SPOCK1: variants seen among roughly 807,000 people sequenced by gnomAD.
SPOCK1 encodes testican-1.
In SPOCK1, 23 loss-of-function variants were observed where a neutral mutation model predicts 55.3. The ratio of observed to expected loss-of-function variants is 0.42; its 90% confidence interval spans 0.30 to 0.59. SPOCK1 has a LOEUF of 0.59. Among genes scored for constraint, SPOCK1 ranks in the 20% least tolerant of loss-of-function variants. The probability of loss-of-function intolerance (pLI) is 0.22; values close to 1 mark genes in which losing one functional copy is unlikely to be tolerated. For synonymous variants in SPOCK1, 226 were observed against 221.0 expected, an observed-to-expected ratio of 1.02 and a Z score of -0.20; for missense variants, 499 against 552.5, an observed-to-expected ratio of 0.90 and a Z score of 0.97.
chr5:137,165,067 CA>C (rs1754621845), intron 3 of SPOCK1, among the ~76,000 whole-genome samples: 1 of 152,174 alleles, frequency 6.6e-6, no homozygotes, highest in South Asian at 2.1e-4. Context: ...GGACTTTGAG[CA>C]AACATAAGCC....
rs138648332 is a variant in SPOCK1, at chr5:137,481,961, G to T, written c.186+16412C>A. 1.5e-3 allele frequency among the ~76,000 whole-genome samples: 227 copies of T among 152,042 alleles called. 1 individual carries two copies. Among genetic ancestry groups the T allele is most frequent in the African/African-American group, 4.9e-3 (202 of 41,324 alleles). On this transcript the variant is annotated intron_variant, in intron 2 of 10. Transcript: ENST00000394945. ...AGGAAGTTAATATTTAAAGGGAAAG[G>T]GGCCTTTCAGACTGGACCCAAAAGA... is the stretch of plus-strand genomic sequence containing the variant.
At chr5:137,030,065 ATTTCC>A (rs1276699625) in intron 6 of SPOCK1, among the ~76,000 whole-genome samples, 1 of 152,302 alleles carries the variant, frequency 6.6e-6, no homozygotes, top group African/African-American at 2.4e-5. Context: ...GTTCAAAAGG[ATTTCC>A]TTTCATGAGT....
chr5:137,092,498 A>G lies in SPOCK1; in HGVS notation c.474+19937T>C, dbSNP rs143135931. 2.7e-4 allele frequency among the ~76,000 whole-genome samples: 41 copies of G among 152,234 alleles called. 1 individual carries two copies. Among genetic ancestry groups the G allele is most frequent in the Admixed American group, 2.7e-3 (41 of 15,298 alleles). ...TATGTAACTCTGTCATTACCTCCTCAAGAGGCCCTCCCTGATACCCAGGTG... is the reference window on the plus strand; with the variant it reads ...TATGTAACTCTGTCATTACCTCCTCGAGAGGCCCTCCCTGATACCCAGGTG... On this transcript the variant is annotated intron_variant, in intron 5 of 10. Transcript: ENST00000394945.
intron 5 of SPOCK1, among the ~76,000 whole-genome samples, chr5:137,075,786 C>G (rs954165912): frequency 3.9e-5 from 6 of 152,174 alleles, no homozygotes; most frequent in Non-Finnish European, 8.8e-5. Flanking sequence ...CAGGCCCACC[C>G]CCAGCAGGCT....
chr5:137,292,854 C>A (rs1485165041), intron 2 of SPOCK1, among the ~76,000 whole-genome samples: 1 of 152,160 alleles, frequency 6.6e-6, no homozygotes, highest in Non-Finnish European at 1.5e-5. Flanking sequence ...AAACTGGCAC[C>A]ATGACAGTAA....
In SPOCK1 at chr5:137,469,228, T is replaced by C. The variant is rs1347547585; in HGVS notation, c.186+29145A>G. ...AAAGCTGTGGGCTTGATACAAAGGATGTTAGGATTTCATTGCTTGCCCTCA... is the reference window on the plus strand; with the variant it reads ...AAAGCTGTGGGCTTGATACAAAGGACGTTAGGATTTCATTGCTTGCCCTCA... On this transcript the variant is annotated intron_variant, in intron 2 of 10. Coordinates refer to ENST00000394945, the MANE Select transcript of SPOCK1 (RefSeq NM_004598.4). Among the ~76,000 whole-genome samples the C allele has an allele frequency of 2.0e-5, 3 of 152,178 alleles. No homozygotes were observed. The South Asian group carries it at 6.2e-4, about 32-fold the overall frequency.
chr5:136,983,850 G>A (rs1456074500), intron 9 of SPOCK1, among the ~76,000 whole-genome samples: 2 of 152,166 alleles, frequency 1.3e-5, no homozygotes, highest in African/African-American at 2.4e-5. Flanking sequence ...AAAACAAAAT[G>A]GGATTTATTT....
intron 7 of SPOCK1, chr5:136,988,874 A>G (rs1016812745): frequency 4.6e-6 from 2 of 435,040 alleles, no homozygotes; most frequent in African/African-American, 3.9e-5. Flanking sequence ...TATGTTCTAA[A>G]GGGGAAAAAT....
At chr5:137,107,041 C>T (rs546590417) in intron 5 of SPOCK1, among the ~76,000 whole-genome samples, 5 of 152,292 alleles carry the variant, frequency 3.3e-5, no homozygotes, top group Admixed American at 6.5e-5. Flanking sequence ...CCTGAACCAT[C>T]GCTTCCCCAA....
At chr5:137,065,861 T>C (rs1242791546) in intron 6 of SPOCK1, among the ~76,000 whole-genome samples, 1 of 152,238 alleles carries the variant, frequency 6.6e-6, no homozygotes, top group Non-Finnish European at 1.5e-5. Flanking sequence ...GGGTTACTTG[T>C]ATAGATTCAG....
At chr5:137,103,345 A>G (rs1005073786) in intron 5 of SPOCK1, among the ~76,000 whole-genome samples, 1 of 152,224 alleles carries the variant, frequency 6.6e-6, no homozygotes, top group East Asian at 1.9e-4. Context: ...TGCCTGTAAT[A>G]AAAACGACAT....
chr5:137,446,306 C>G (rs957466608), intron 2 of SPOCK1, among the ~76,000 whole-genome samples: 1 of 152,186 alleles, frequency 6.6e-6, no homozygotes, highest in Non-Finnish European at 1.5e-5. Flanking sequence ...TAAACCAAAC[C>G]TAATGATGCA....
chr5:137,106,428 G>A (rs528488469), intron 5 of SPOCK1, among the ~76,000 whole-genome samples: 1 of 152,270 alleles, frequency 6.6e-6, no homozygotes, highest in Non-Finnish European at 1.5e-5. Flanking sequence ...GAAGTGCTGG[G>A]CTCCCAGATG....
intron 3 of SPOCK1, among the ~76,000 whole-genome samples, chr5:137,240,128 T>C (rs1390149548): frequency 6.6e-6 from 1 of 152,194 alleles, no homozygotes; most frequent in Non-Finnish European, 1.5e-5. Context: ...AGAATAAAAC[T>C]TTAAAACTCT....
chr5:137,400,948 C>T lies in SPOCK1; in HGVS notation c.186+97425G>A, dbSNP rs564379449. On this transcript the variant is annotated intron_variant, in intron 2 of 10. Transcript: ENST00000394945. ...TTTCAGTTTTACCCAGCAGAGCACC[C>T]GCTGGAAACCCCTCTCCCGCCCACC... 2.1e-3 allele frequency among the ~76,000 whole-genome samples: 319 copies of T among 152,322 alleles called. 3 individuals are homozygous for T. Among genetic ancestry groups the T allele is most frequent in the African/African-American group, 7.3e-3 (304 of 41,564 alleles).
rs1750616853 is a variant in SPOCK1, at chr5:136,976,461, T to C, written c.*2193A>G. 6.6e-6 allele frequency: 1 copy of C among 152,644 alleles called. No individual in the cohort carries two copies. The highest frequency in any genetic ancestry group is 2.4e-5 in the African/African-American group (1 of 41,446). The allele number at this position is 152,644 out of a possible 1,614,324, so 9.5% of individuals were successfully genotyped here. On this transcript the variant is annotated 3_prime_UTR_variant, in exon 11 of 11. Coordinates refer to ENST00000394945, the MANE Select transcript of SPOCK1 (RefSeq NM_004598.4). Reference sequence around the variant, plus strand: ...AAATTAAAATCAGTGGTTCACCCTGTTCCTAGAAGTTTTTCTAAGTGAAAT... The same window carrying C: ...AAATTAAAATCAGTGGTTCACCCTGCTCCTAGAAGTTTTTCTAAGTGAAAT...
intron 2 of SPOCK1, among the ~76,000 whole-genome samples, chr5:137,417,395 A>G (rs1752361090): frequency 6.6e-6 from 1 of 151,024 alleles, no homozygotes; most frequent in African/African-American, 2.4e-5. Context: ...ATTACTGTCA[A>G]ATGCACACAT....
intron 6 of SPOCK1, among the ~76,000 whole-genome samples, chr5:137,029,578 T>C (rs7722708): frequency 0.85 from 129,048 of 152,224 alleles, 55,247 homozygotes; most frequent in South Asian, 0.95. Context: ...GGCTTGGCCT[T>C]AAAGTCCTCA....
intron 3 of SPOCK1, among the ~76,000 whole-genome samples, chr5:137,266,117 C>T (rs1385956614): frequency 1.3e-5 from 2 of 152,182 alleles, no homozygotes; most frequent in African/African-American, 2.4e-5. Flanking sequence ...CAGAAAGGAG[C>T]ACCTTCCTCC....
Sources: gnomAD v4.1 joint callset for allele counts (sites outside exome capture counted in the v4.1 genomes callset) on GRCh38, gnomAD v4.1.1 for gene constraint, MANE v1.5 for transcripts, NCBI Gene and HGNC (gene_info 2026-07-23, HGNC 2026-07-21) for gene names.